FBXL17: variants seen among roughly 807,000 people sequenced by gnomAD.
FBXL17 encodes F-box and leucine rich repeat protein 17.
Under a neutral mutation model 66.2 loss-of-function variants are expected in FBXL17, and 22 were observed. The ratio of observed to expected loss-of-function variants is 0.33; its 90% CI spans 0.24 to 0.47. FBXL17 has a LOEUF of 0.47. Ranked by LOEUF, FBXL17 falls within the 20% of genes least tolerant of loss-of-function variation. The pLI is 1.00. For synonymous variants in FBXL17, 474 were observed against 400.5 expected (o/e 1.18, Z -2.19); for missense variants, 878 against 948.2 (o/e 0.93, Z 0.97).
chr5:108,224,332 T>A (rs187800370), intron 4 of FBXL17, 104 bp from the exon 5 acceptor site: 2 of 528,612 alleles, frequency 3.8e-6, no homozygotes, highest in South Asian at 2.8e-5. Context: ...CATTACTATT[T>A]CCTGCCCTGT....
In FBXL17 at chr5:108,292,577, T is replaced by A. The variant is rs188940899; in HGVS notation, c.1506+55822A>T. Among the ~76,000 whole-genome samples the A allele has an allele frequency of 1.3e-3, 198 of 152,308 alleles. 2 individuals are homozygous for A. Among genetic ancestry groups the A allele is most frequent in the Non-Finnish European group, 1.7e-3 (117 of 68,018 alleles). On this transcript the variant is annotated intron_variant, in intron 4 of 8. Coordinates refer to ENST00000542267, the MANE Select transcript of FBXL17 (RefSeq NM_001163315.3). ...TTTTCTATTTTCCACCTGGAAATAT[T>A]CTTCAAATCTTTATAAACTAGCTGA...
In FBXL17 at chr5:108,381,215, G is replaced by A. The variant is rs1749882051; in HGVS notation, c.477C>T (p.Leu159=). The A allele has an allele frequency of 6.2e-6, 9 of 1,448,240 alleles. No homozygotes were observed. The highest frequency in any genetic ancestry group is 8.2e-6 in the Non-Finnish European group (9 of 1,102,502). 89.7% of individuals were successfully genotyped at this position (1,448,240 alleles called of 1,614,324 possible). ...GCACCGGCCCCAAGCTGGCCAGGAA[G>A]AGACTTCGGCCCTGCTGCTCCCAGG... ...AAAWEQQGRS[L]FLASLGPVRF... Residue 159 remains leucine, a synonymous_variant, in exon 1 of 9, where the codon CTC becomes CTT. Coordinates refer to ENST00000542267, the MANE Select transcript of FBXL17 (RefSeq NM_001163315.3).
chr5:107,874,716 A>G (rs919247011), intron 8 of FBXL17, among the ~76,000 whole-genome samples: 4 of 152,214 alleles, frequency 2.6e-5, no homozygotes, highest in African/African-American at 7.2e-5. Flanking sequence ...CAGGGTTGGA[A>G]GAGGAGGAGA....
Position 108,288,726 on chromosome 5 carries a change from G to A in FBXL17, c.1506+59673C>T, listed in dbSNP as rs996612664. Among the ~76,000 whole-genome samples the A allele has an allele frequency of 4.6e-5, 7 of 151,862 alleles. No homozygotes were observed. In the East Asian group the frequency reaches 1.2e-3, roughly 25 times the overall value. The stretch of plus-strand genomic sequence containing the variant: ...GAAATGGCAGTGAGAAATTTGTGTG[G>A]GGGTAATACAAAGGTAAATGAAAGA... On this transcript the variant is annotated intron_variant, in intron 4 of 8. Transcript: ENST00000542267.
At chr5:108,050,233 T>G (rs1747418296) in intron 6 of FBXL17, among the ~76,000 whole-genome samples, 1 of 151,796 alleles carries the variant, frequency 6.6e-6, no homozygotes, top group South Asian at 2.1e-4. Context: ...CTGGATCAAG[T>G]GTACCTAACA....
chr5:108,038,602 A>G (rs1481308671), intron 6 of FBXL17, among the ~76,000 whole-genome samples: 2 of 152,058 alleles, frequency 1.3e-5, no homozygotes, highest in African/African-American at 2.4e-5. Flanking sequence ...TATGCCTATC[A>G]TATTTGTTAC....
chr5:108,163,584 G>A (rs1580538481), intron 6 of FBXL17, among the ~76,000 whole-genome samples: 1 of 152,122 alleles, frequency 6.6e-6, no homozygotes, highest in Middle Eastern at 3.4e-3. Flanking sequence ...TGTGTTTTTA[G>A]TAGAGACGGG....
At chr5:107,944,508 C>A (rs1417563392) in intron 7 of FBXL17, among the ~76,000 whole-genome samples, 1 of 152,048 alleles carries the variant, frequency 6.6e-6, no homozygotes, top group Non-Finnish European at 1.5e-5. Context: ...GAGTTTGAAT[C>A]TTTCAAAAAA....
At chr5:107,973,157 A>G (rs546295140) in intron 7 of FBXL17, among the ~76,000 whole-genome samples, 3 of 151,504 alleles carry the variant, frequency 2.0e-5, no homozygotes, top group East Asian at 3.9e-4. Context: ...GGTATACTCC[A>G]TTTTAATTTT....
Position 108,382,061 on chromosome 5 carries a change from A to C in FBXL17, c.-370T>G. 17 of 757,954 alleles carry C rather than the reference A, an allele frequency of 2.2e-5. No homozygotes were observed. The highest frequency in any genetic ancestry group is 1.9e-4 in the East Asian group (2 of 10,384). The allele number at this position is 757,954 out of a possible 1,614,324, so 47.0% of individuals were successfully genotyped here. A position where few individuals can be genotyped will look rare whatever the true frequency, so the allele number is the denominator to read the frequency against. ...GCCGGGTCCCGCTCGGACCATTTTA[A>C]CTGCGGATCCGCCGCCGGCGCGCGC... On this transcript the variant is annotated 5_prime_UTR_variant, in exon 1 of 9. Coordinates refer to ENST00000542267, the MANE Select transcript of FBXL17 (RefSeq NM_001163315.3).
At chr5:108,042,991 ACAT>A (rs2112807090) in intron 6 of FBXL17, among the ~76,000 whole-genome samples, 1 of 152,302 alleles carries the variant, frequency 6.6e-6, no homozygotes, top group African/African-American at 2.4e-5. Flanking sequence ...AAGACAGTGA[ACAT>A]CTTTTCAAGT....
intron 6 of FBXL17, among the ~76,000 whole-genome samples, chr5:108,036,071 T>C (rs952501647): frequency 3.9e-5 from 6 of 152,222 alleles, no homozygotes; most frequent in African/African-American, 1.4e-4. Flanking sequence ...AATGAGTTTG[T>C]AGAAAGTGAC....
rs1469957370 is a variant in FBXL17, at chr5:108,380,894, G to A, written c.798C>T (p.Thr266=). Residue 266 remains threonine, a synonymous_variant, in exon 1 of 9, where the codon ACC becomes ACT. Transcript: ENST00000542267. ...CAGCTTCGGTGGGGGCACCTTCGGA[G>A]GTGGGAGAAGAGGGCGGAGGGCAGA... ...QPLCPPPSSP[T]SEGAPTEAGG... 5 of 1,236,780 alleles carry A rather than the reference G, an allele frequency of 4.0e-6. No individual in the cohort carries two copies. Among genetic ancestry groups the A allele is most frequent in the Admixed American group, 8.4e-5 (2 of 23,680 alleles). 76.6% of individuals were successfully genotyped at this position (1,236,780 alleles called of 1,614,324 possible).
At chr5:108,284,016 T>A (rs924795098) in intron 4 of FBXL17, among the ~76,000 whole-genome samples, 2 of 151,918 alleles carry the variant, frequency 1.3e-5, no homozygotes, top group Admixed American at 6.6e-5. Context: ...AAAATAGTTA[T>A]TATCAAAAAG....
rs569859458 is a variant in FBXL17 at position 108,310,421 on chromosome 5, T to C, written c.1506+37978A>G. Among the ~76,000 whole-genome samples the C allele has an allele frequency of 2.6e-5, 4 of 152,306 alleles. No homozygotes were observed. The East Asian group carries it at 7.7e-4, about 29-fold the overall frequency. On this transcript the variant is annotated intron_variant, in intron 4 of 8. Coordinates refer to ENST00000542267, the MANE Select transcript of FBXL17 (RefSeq NM_001163315.3). ...CTCGAAAAAAATGTTTTTAATCTTCTGTCCCAAATTTGGCCACACTATTTC... is the reference window on the plus strand; with the variant it reads ...CTCGAAAAAAATGTTTTTAATCTTCCGTCCCAAATTTGGCCACACTATTTC...
chr5:107,907,557 C>A (rs1358992619), intron 7 of FBXL17, among the ~76,000 whole-genome samples: 3 of 151,782 alleles, frequency 2.0e-5, no homozygotes, highest in Non-Finnish European at 1.5e-5. Context: ...TGACAAAGGG[C>A]TAATATCCAG....
chr5:107,975,857 GTTTTTTTTTT>G (rs1554053909), intron 7 of FBXL17, among the ~76,000 whole-genome samples: 1 of 79,918 alleles, frequency 1.3e-5, no homozygotes, highest in Non-Finnish European at 2.8e-5. Context: ...TGTTGTTGTT[GTTTTTTTTTT>G]TTTTTTTTTT....
intron 4 of FBXL17, 69 bp from the exon 5 acceptor site, chr5:108,224,297 A>C (rs866771177): frequency 5.1e-6 from 4 of 784,424 alleles, no homozygotes; most frequent in South Asian, 1.8e-5. Flanking sequence ...TGGCTCCTGA[A>C]AATCCTCTCA....
intron 4 of FBXL17, among the ~76,000 whole-genome samples, chr5:108,247,984 T>C (rs1460565578): frequency 1.3e-5 from 2 of 152,212 alleles, no homozygotes; most frequent in Admixed American, 6.5e-5. Context: ...TGGGGCTTTT[T>C]TATCTGCATG....
Sources: gnomAD v4.1 joint callset for allele counts (sites outside exome capture counted in the v4.1 genomes callset) on GRCh38, gnomAD v4.1.1 for gene constraint, MANE v1.5 for transcripts, NCBI Gene and HGNC (gene_info 2026-07-23, HGNC 2026-07-21) for gene names.